TPD52: variants seen among roughly 807,000 people sequenced by gnomAD.
TPD52 encodes the protein tumor protein D52.
TPD52 carries 17 observed loss-of-function variants against 31.3 expected under a neutral mutation model. The ratio of observed to expected loss-of-function variants is 0.54; its 90% confidence interval spans 0.37 to 0.82. The LOEUF (loss-of-function observed/expected upper bound fraction) is 0.82, where lower values mean the gene tolerates loss of function less well. TPD52 is among the 40% of genes least tolerant of loss of function. The pLI is 0.00. For synonymous variants in TPD52, 83 were observed against 89.6 expected (o/e 0.93, Z 0.42); for missense variants, 212 against 240.1 (o/e 0.88, Z 0.77).
rs192769846 is a variant in TPD52 at position 80,161,504 on chromosome 8, G to T, written c.19+9921C>A. ...CTGCAAGCTGGGAATAAAATGTAAGGCAGTCTCCTATTCTAGTGACACTAT... is the reference window on the plus strand; with the variant it reads ...CTGCAAGCTGGGAATAAAATGTAAGTCAGTCTCCTATTCTAGTGACACTAT... On this transcript the variant is annotated intron_variant, in intron 1 of 7. Transcript: ENST00000518937. Among the ~76,000 whole-genome samples, 52 of 152,168 alleles carry T rather than the reference G, an allele frequency of 3.4e-4. No individual in the cohort carries two copies. The East Asian group carries it at 8.3e-3, about 24-fold the overall frequency.
intron 2 of TPD52, among the ~76,000 whole-genome samples, chr8:80,063,754 G>A (rs1812798876): frequency 6.6e-6 from 1 of 151,858 alleles, no homozygotes; most frequent in African/African-American, 2.4e-5. Flanking sequence ...CCAAGATTGT[G>A]CCACTGCACT....
chr8:80,163,466 G>A (rs533571544), intron 1 of TPD52, among the ~76,000 whole-genome samples: 1 of 152,308 alleles, frequency 6.6e-6, no homozygotes, highest in South Asian at 2.1e-4. Flanking sequence ...AGGGGATGGA[G>A]GAATGGGGAA....
intron 1 of TPD52, among the ~76,000 whole-genome samples, chr8:80,169,401 A>G (rs1287971160): frequency 6.6e-6 from 1 of 152,208 alleles, no homozygotes; most frequent in African/African-American, 2.4e-5. Context: ...ATATGGGAAA[A>G]TTATAGACAC....
intron 1 of TPD52, among the ~76,000 whole-genome samples, chr8:80,080,986 T>TC (rs1002994553): frequency 6.3e-4 from 96 of 152,306 alleles, no homozygotes; most frequent in African/African-American, 2.3e-3. Context: ...ATACTTTTTT[T>TC]CCACCCTGGA....
At chr8:80,123,572 A>G (rs560624302) in intron 1 of TPD52, among the ~76,000 whole-genome samples, 6 of 152,246 alleles carry the variant, frequency 3.9e-5, no homozygotes, top group Admixed American at 6.5e-5. Context: ...GAAAAGAAAT[A>G]CTACTAATAA....
chr8:80,089,824 C>G (rs1315360577), intron 1 of TPD52, among the ~76,000 whole-genome samples: 1 of 152,202 alleles, frequency 6.6e-6, no homozygotes, highest in African/African-American at 2.4e-5. Context: ...AGGCACAGAG[C>G]TAGAAAGTGG....
In TPD52 at chr8:80,036,824, C is replaced by T. The variant is rs1050703702; in HGVS notation, c.*1292G>A. 1 of 152,432 alleles carries T rather than the reference C, an allele frequency of 6.6e-6. No homozygotes were observed. Among genetic ancestry groups the T allele is most frequent in the East Asian group, 1.9e-4 (1 of 5,202 alleles). The allele number at this position is 152,432 out of a possible 1,614,324, so 9.4% of individuals were successfully genotyped here. On this transcript the variant is annotated 3_prime_UTR_variant, in exon 8 of 8. Transcript: ENST00000518937. ...TCCAAGCTTGGCAGTTAACATTTGG[C>T]ATAAACAATAATAAAACAATCACAA...
intron 1 of TPD52, among the ~76,000 whole-genome samples, chr8:80,147,351 G>C (rs1409571790): frequency 1.3e-5 from 2 of 152,120 alleles, no homozygotes; most frequent in African/African-American, 4.8e-5. Context: ...CGGGAACTAA[G>C]AGCTACTGAA....
intron 1 of TPD52, chr8:80,122,921 A>T (rs1051178582): frequency 1.3e-5 from 2 of 152,302 alleles, no homozygotes; most frequent in Non-Finnish European, 2.9e-5. Flanking sequence ...GGAAACCTTC[A>T]CTGCTAGGCT....
chr8:80,112,597 A>T (rs1159685556), intron 1 of TPD52, among the ~76,000 whole-genome samples: 1 of 152,224 alleles, frequency 6.6e-6, no homozygotes, highest in Non-Finnish European at 1.5e-5. Context: ...AACAATGTAG[A>T]GTTTATTGGG....
intron 1 of TPD52, among the ~76,000 whole-genome samples, chr8:80,165,298 T>G (rs1482940540): frequency 6.6e-6 from 1 of 152,198 alleles, no homozygotes; most frequent in African/African-American, 2.4e-5. Flanking sequence ...GGAGCAGAAT[T>G]TGGCACTATC....
At chr8:80,089,727 C>T (rs1019874359) in intron 1 of TPD52, among the ~76,000 whole-genome samples, 1 of 152,194 alleles carries the variant, frequency 6.6e-6, no homozygotes, top group Non-Finnish European at 1.5e-5. Flanking sequence ...TTCTTCTATG[C>T]ACTTGCATCA....
Position 80,047,461 on chromosome 8 carries a change from C to T in TPD52, c.413+2984G>A, listed in dbSNP as rs568306681. ...CAGGAGGGGAAATATAAGCATATCA[C>T]GTTGAAGCTTTCAAATTTCACATTG... On this transcript the variant is annotated intron_variant, in intron 5 of 7. Coordinates refer to ENST00000518937, the MANE Select transcript of TPD52 (RefSeq NM_001025253.3). 9.2e-5 allele frequency among the ~76,000 whole-genome samples: 14 copies of T among 152,216 alleles called. 1 individual carries two copies. The highest frequency in any genetic ancestry group is 4.6e-4 in the Admixed American group (7 of 15,278).
At chr8:80,144,879 T>C (rs894808428) in intron 1 of TPD52, among the ~76,000 whole-genome samples, 2 of 151,120 alleles carry the variant, frequency 1.3e-5, no homozygotes, top group Non-Finnish European at 2.9e-5. Context: ...CAGTAAGTTA[T>C]AACAACCAAA....
At chr8:80,069,338 C>A (rs1437013713) in intron 1 of TPD52, among the ~76,000 whole-genome samples, 1 of 152,006 alleles carries the variant, frequency 6.6e-6, no homozygotes. Flanking sequence ...TAGTGGCCTG[C>A]ACCTGTAGTC....
chr8:80,127,951 TTG>T (rs1236335271), intron 1 of TPD52, among the ~76,000 whole-genome samples: 2 of 152,046 alleles, frequency 1.3e-5, no homozygotes, highest in Admixed American at 1.3e-4. Flanking sequence ...GTTTTTCACT[TTG>T]TACTCTTCTG....
chr8:80,085,977 C>T (rs376436018), intron 1 of TPD52, among the ~76,000 whole-genome samples: 6 of 152,114 alleles, frequency 3.9e-5, no homozygotes, highest in South Asian at 2.1e-4. Flanking sequence ...GCAGATGGAC[C>T]GCTCTGAATA....
At chr8:80,113,280 A>C (rs1563635583) in intron 1 of TPD52, among the ~76,000 whole-genome samples, 1 of 148,142 alleles carries the variant, frequency 6.8e-6, no homozygotes, top group African/African-American at 2.5e-5. Flanking sequence ...AAAAAAAAAA[A>C]AACAAGTGCT....
intron 1 of TPD52, among the ~76,000 whole-genome samples, chr8:80,142,933 G>A (rs1809937153): frequency 6.6e-6 from 1 of 152,140 alleles, no homozygotes; most frequent in Non-Finnish European, 1.5e-5. Context: ...CACACTCAGG[G>A]GAAGTGAGGT....
Sources: allele counts gnomAD v4.1 joint callset (sites outside exome capture counted in the v4.1 genomes callset), GRCh38; gene constraint gnomAD v4.1.1; transcripts MANE v1.5; gene names NCBI Gene and HGNC (gene_info 2026-07-23, HGNC 2026-07-21).